DIP2B: variants seen among roughly 807,000 people sequenced by gnomAD.
The protein encoded by DIP2B is DIP2 acetate--CoA ligase B (putative), also known as disco-interacting protein 2 homolog B.
DIP2B carries 76 observed loss-of-function variants against 198.0 expected under a neutral mutation model. The ratio of observed to expected loss-of-function variants is 0.38; its 90% confidence interval spans 0.32 to 0.46. The LOEUF is 0.46. Ranked by LOEUF, DIP2B falls within the 20% of genes least tolerant of loss-of-function variation. DIP2B has a pLI of 0.99. For missense variants in DIP2B, 1,559 were observed against 1,978.4 expected (o/e 0.79, Z 4.02); for synonymous variants, 701 against 739.1 (o/e 0.95, Z 0.84).
At chr12:50,623,427 ACACACACACACT>A (rs1461008317) in intron 1 of DIP2B, among the ~76,000 whole-genome samples, 845 of 48,810 alleles carry the variant, frequency 0.017, 2 homozygotes, top group Middle Eastern at 0.05. Flanking sequence ...ACACACACAC[ACACACACACACT>A]CTCTCTCTCT....
rs118135636 is a variant in DIP2B, at chr12:50,520,348, T to A, written c.100+15108T>A. 3.1e-3 allele frequency among the ~76,000 whole-genome samples: 467 copies of A among 152,162 alleles called. 17 individuals carry two copies. In the East Asian group the frequency reaches 0.071, roughly 23 times the overall value. ...ACCGTACCCGGCCTGAATCTCCTTT[T>A]AAAAAAAATCAACCCAGCAAGGAAT... is the stretch of plus-strand genomic sequence containing the variant. On this transcript the variant is annotated intron_variant, in intron 1 of 37. Transcript: ENST00000301180.
intron 1 of DIP2B, among the ~76,000 whole-genome samples, chr12:50,599,148 A>G (rs1248645960): frequency 6.7e-6 from 1 of 149,752 alleles, no homozygotes. Context: ...AGAAATTAGC[A>G]GGGCATGGTG....
At chr12:50,607,862 C>T (rs529739974) in intron 1 of DIP2B, among the ~76,000 whole-genome samples, 4 of 152,286 alleles carry the variant, frequency 2.6e-5, no homozygotes, top group South Asian at 4.1e-4. Context: ...GGCACGATCT[C>T]GGCTCACTGC....
At chr12:50,597,036 ACT>A (rs1958884655) in intron 1 of DIP2B, among the ~76,000 whole-genome samples, 1 of 152,168 alleles carries the variant, frequency 6.6e-6, no homozygotes, top group African/African-American at 2.4e-5. Flanking sequence ...AGGTAGGGAA[ACT>A]TACCAATTTC....
intron 3 of DIP2B, among the ~76,000 whole-genome samples, chr12:50,656,732 C>T (rs1010800018): frequency 2.6e-5 from 4 of 152,100 alleles, no homozygotes; most frequent in African/African-American, 7.2e-5. Context: ...CCACCATGCT[C>T]AGCTAATTTT....
At chr12:50,618,511 C>G (rs540445184) in intron 1 of DIP2B, among the ~76,000 whole-genome samples, 12 of 152,326 alleles carry the variant, frequency 7.9e-5, no homozygotes, top group African/African-American at 2.6e-4. Flanking sequence ...CAAGACCTAA[C>G]CCAAGAGCAA....
At chr12:50,581,479 C>T (rs1365874952) in intron 1 of DIP2B, among the ~76,000 whole-genome samples, 2 of 148,988 alleles carry the variant, frequency 1.3e-5, no homozygotes, top group African/African-American at 2.5e-5. Flanking sequence ...ACCTTGTTTG[C>T]CACAAATTAG....
chr12:50,716,659 C>T (rs934772810), intron 23 of DIP2B, among the ~76,000 whole-genome samples: 1 of 152,180 alleles, frequency 6.6e-6, no homozygotes, highest in Non-Finnish European at 1.5e-5. Context: ...GATTTTGTCT[C>T]ATCTGTTTCA....
intron 34 of DIP2B, 147 bp from the exon 35 acceptor site, chr12:50,736,888 TC>T: frequency 1.5e-6 from 1 of 668,240 alleles, no homozygotes; most frequent in Non-Finnish European, 2.6e-6. Flanking sequence ...TCTGCCATGA[TC>T]CCCTCAGGGT....
intron 35 of DIP2B, among the ~76,000 whole-genome samples, chr12:50,737,808 G>A (rs1028387624): frequency 2.0e-5 from 3 of 151,924 alleles, no homozygotes; most frequent in African/African-American, 7.3e-5. Context: ...GGCTGGTCTC[G>A]AACTCATGAG....
intron 23 of DIP2B, among the ~76,000 whole-genome samples, chr12:50,716,855 T>C (rs963150256): frequency 9.9e-5 from 15 of 151,336 alleles, no homozygotes; most frequent in African/African-American, 3.4e-4. Flanking sequence ...AGAGAGGGAG[T>C]GGGCTCCCCC....
chr12:50,737,339 C>T (rs555233755), intron 35 of DIP2B, among the ~76,000 whole-genome samples: 1 of 152,300 alleles, frequency 6.6e-6, no homozygotes, highest in African/African-American at 2.4e-5. Flanking sequence ...TGTCCACTGA[C>T]ATGCCCTTAG....
At chr12:50,634,985 G>A (rs1938131669) in intron 2 of DIP2B, among the ~76,000 whole-genome samples, 1 of 152,146 alleles carries the variant, frequency 6.6e-6, no homozygotes, top group South Asian at 2.1e-4. Context: ...ACCCTCAATA[G>A]ATCTTTTAAT....
At position 50,582,145 on chromosome 12, in the gene DIP2B, G is replaced by GTTT. The variant is rs367699036; in HGVS notation, c.101-43809_101-43807dup. On this transcript the variant is annotated intron_variant, in intron 1 of 37. Coordinates refer to ENST00000301180, the MANE Select transcript of DIP2B (RefSeq NM_173602.3). The stretch of plus-strand genomic sequence containing the variant: ...TAATAGCTTCTTTTTCTTTTTTTCT[G>GTTT]TTTTTTTTTTTTTTTTTTTTTTTTG... Among the ~76,000 whole-genome samples the GTTT allele has an allele frequency of 7.0e-3, 544 of 77,462 alleles. 8 individuals carry two copies. The highest frequency in any genetic ancestry group is 0.027 in the African/African-American group (442 of 16,086). 50.8% of individuals were successfully genotyped at this position (77,462 alleles called of 152,430 possible). A position where few individuals can be genotyped will look rare whatever the true frequency, so the allele number is the denominator to read the frequency against.
At chr12:50,573,036 G>C (rs527857915) in intron 1 of DIP2B, among the ~76,000 whole-genome samples, 2 of 152,208 alleles carry the variant, frequency 1.3e-5, no homozygotes, top group Non-Finnish European at 2.9e-5. Context: ...CATTCTGCAC[G>C]TGAGCTCTAA....
At chr12:50,720,426 A>AT (rs199799937) in intron 25 of DIP2B, among the ~76,000 whole-genome samples, 5,556 of 141,940 alleles carry the variant, frequency 0.039, 108 homozygotes, top group South Asian at 0.073. Flanking sequence ...CTGGAATCTG[A>AT]TTTTTTTTTT....
intron 1 of DIP2B, among the ~76,000 whole-genome samples, chr12:50,505,509 C>G (rs1159818089): frequency 6.6e-6 from 1 of 152,202 alleles, no homozygotes; most frequent in African/African-American, 2.4e-5. Context: ...TTCCTGCCCC[C>G]CAAAACCCGA....
chr12:50,555,452 G>A (rs1055263435), intron 1 of DIP2B, among the ~76,000 whole-genome samples: 2 of 152,000 alleles, frequency 1.3e-5, no homozygotes, highest in South Asian at 4.1e-4. Context: ...AAATTTTGTC[G>A]CTGCTATCAC....
intron 2 of DIP2B, among the ~76,000 whole-genome samples, chr12:50,629,065 A>G (rs1188575743): frequency 6.6e-6 from 1 of 151,890 alleles, no homozygotes; most frequent in East Asian, 1.9e-4. Flanking sequence ...TTTTTTTTGT[A>G]GAGACAGGGT....
Sources: allele counts gnomAD v4.1 joint callset (sites outside exome capture counted in the v4.1 genomes callset), GRCh38; gene constraint gnomAD v4.1.1; transcripts MANE v1.5; gene names NCBI Gene and HGNC (gene_info 2026-07-23, HGNC 2026-07-21).